The following CPEB3 variants were observed in gnomAD, a reference collection of about 807,000 sequenced individuals.
The protein encoded by CPEB3 is cytoplasmic polyadenylation element binding protein 3.
In CPEB3, 20 loss-of-function variants were observed where a neutral mutation model predicts 67.2. That is an observed-to-expected ratio of 0.30 (90% CI 0.21 to 0.43). The LOEUF (loss-of-function observed/expected upper bound fraction) is 0.43, where lower values mean the gene tolerates loss of function less well. Ranked by LOEUF, CPEB3 falls within the 20% of genes least tolerant of loss-of-function variation. CPEB3 has a pLI of 1.00. For missense variants in CPEB3, 746 were observed against 968.6 expected (o/e 0.77, Z 3.05); for synonymous variants, 376 against 393.1 (o/e 0.96, Z 0.51).
chr10:92,283,147 G>A (rs567833679), intron 1 of CPEB3, among the ~76,000 whole-genome samples: 6 of 151,986 alleles, frequency 3.9e-5, no homozygotes, highest in Admixed American at 3.9e-4. Context: ...AGCTACTCAG[G>A]AGGCTGAGGT....
At position 92,278,496 on chromosome 10, in the gene CPEB3, T is replaced by C. The variant is rs1008037963; in HGVS notation, c.-12+12430A>G. On this transcript the variant is annotated intron_variant, in intron 1 of 9. Transcript: ENST00000265997. ...TGCGATGCCTTTATAAATCAAATTG[T>C]TTTCCTTTCATATCTGGATTGTTCA... Among the ~76,000 whole-genome samples, 11 of 152,164 alleles carry C rather than the reference T, an allele frequency of 7.2e-5. No individual in the cohort carries two copies. In the East Asian group the frequency reaches 2.1e-3, roughly 29 times the overall value.
chr10:92,056,178 G>A (rs978063874), intron 9 of CPEB3, among the ~76,000 whole-genome samples: 4 of 152,306 alleles, frequency 2.6e-5, no homozygotes, highest in South Asian at 2.1e-4. Context: ...TTCATGAGGT[G>A]TTGTCTGAAG....
intron 2 of CPEB3, among the ~76,000 whole-genome samples, chr10:92,232,266 G>A (rs141770358): frequency 0.045 from 6,729 of 150,730 alleles, 205 homozygotes; most frequent in Non-Finnish European, 0.07. Context: ...TGTTGGCCAG[G>A]TTGGTCTCGA....
chr10:92,165,857 T>C (rs1054455057), intron 4 of CPEB3, among the ~76,000 whole-genome samples: 2 of 152,184 alleles, frequency 1.3e-5, no homozygotes, highest in Non-Finnish European at 2.9e-5. Context: ...TCTAGTTCTC[T>C]TGCTATTTAC....
chr10:92,154,289 A>G (rs1847103142), intron 4 of CPEB3, among the ~76,000 whole-genome samples: 2 of 152,230 alleles, frequency 1.3e-5, no homozygotes, highest in Non-Finnish European at 2.9e-5. Flanking sequence ...AAATGAAATC[A>G]AGGTTTGTCT....
At chr10:92,271,431 T>C (rs1471267268) in intron 1 of CPEB3, among the ~76,000 whole-genome samples, 1 of 152,256 alleles carries the variant, frequency 6.6e-6, no homozygotes, top group Non-Finnish European at 1.5e-5. Flanking sequence ...ACATTCCATT[T>C]ACTTGTCAAG....
intron 7 of CPEB3, among the ~76,000 whole-genome samples, chr10:92,107,298 T>C (rs1844520818): frequency 6.6e-6 from 1 of 152,228 alleles, no homozygotes; most frequent in Non-Finnish European, 1.5e-5. Context: ...TTTAAATTTA[T>C]AGCAAAATCA....
intron 2 of CPEB3, among the ~76,000 whole-genome samples, chr10:92,232,757 CAA>C (rs370945253): frequency 5.7e-4 from 69 of 121,986 alleles, no homozygotes; most frequent in Non-Finnish European, 5.7e-4. Context: ...AACTCCATCT[CAA>C]AAAAAAAAAA....
intron 4 of CPEB3, among the ~76,000 whole-genome samples, chr10:92,178,581 C>G (rs1192104102): frequency 6.6e-6 from 1 of 152,028 alleles, no homozygotes; most frequent in Non-Finnish European, 1.5e-5. Flanking sequence ...TGGCTCACAC[C>G]TTTAATCCCA....
At chr10:92,174,037 C>A (rs772642856) in intron 4 of CPEB3, among the ~76,000 whole-genome samples, 2 of 152,160 alleles carry the variant, frequency 1.3e-5, no homozygotes, top group Non-Finnish European at 2.9e-5. Flanking sequence ...CTTTACTATA[C>A]TTTTTTATGC....
intron 3 of CPEB3, among the ~76,000 whole-genome samples, chr10:92,189,306 T>C (rs1011265999): frequency 7.9e-5 from 12 of 152,192 alleles, no homozygotes; most frequent in African/African-American, 2.9e-4. Context: ...TATAAAATTT[T>C]GACAACTTGC....
intron 1 of CPEB3, among the ~76,000 whole-genome samples, chr10:92,282,469 C>G (rs981334759): frequency 1.3e-5 from 2 of 152,180 alleles, no homozygotes; most frequent in African/African-American, 4.8e-5. Context: ...GCAGGTGGAT[C>G]ACTAGGTCAG....
chr10:92,278,638 G>C (rs1322007579), intron 1 of CPEB3, among the ~76,000 whole-genome samples: 1 of 130,304 alleles, frequency 7.7e-6, no homozygotes, highest in Non-Finnish European at 1.6e-5. Flanking sequence ...GTCTTCCTCT[G>C]TTACCAGGCT....
intron 7 of CPEB3, among the ~76,000 whole-genome samples, chr10:92,098,027 G>T (rs1414213373): frequency 6.6e-6 from 1 of 151,496 alleles, no homozygotes; most frequent in Non-Finnish European, 1.5e-5. Flanking sequence ...CAGGCATGGT[G>T]GTGCATGCCT....
At chr10:92,136,868 T>A (rs541317511) in intron 6 of CPEB3, 1 of 156,210 alleles carries the variant, frequency 6.4e-6, no homozygotes, top group Non-Finnish European at 1.4e-5. Flanking sequence ...CAAGAGTGAG[T>A]ATTTCTGATC....
Position 92,240,012 on chromosome 10 carries a change from C to G in CPEB3, c.339G>C (p.Thr113=). The change falls in exon 2 of 10, where the codon ACG becomes ACC. Residue 113 remains threonine (T), a synonymous_variant. Coordinates refer to ENST00000265997, the MANE Select transcript of CPEB3 (RefSeq NM_014912.5). ...LSPSFGSTWS[T]GTTNAVEDSF... ...TGTCCTCTACCGCGTTGGTGGTGCC[C>G]GTGGACCAGGTGCTGCCGAAGGACG... 1 of 1,609,412 alleles carries G rather than the reference C, an allele frequency of 6.2e-7. No individual in the cohort carries two copies. Among genetic ancestry groups the G allele is most frequent in the Non-Finnish European group, 8.5e-7 (1 of 1,178,004 alleles).
At chr10:92,262,821 G>T (rs956697353) in intron 1 of CPEB3, among the ~76,000 whole-genome samples, 164 of 152,156 alleles carry the variant, frequency 1.1e-3, no homozygotes, top group Admixed American at 0.01. Flanking sequence ...GTGCATTAAA[G>T]CATCTTTTTT....
At chr10:92,134,313 G>C (rs1845983882) in intron 6 of CPEB3, among the ~76,000 whole-genome samples, 4 of 152,070 alleles carry the variant, frequency 2.6e-5, no homozygotes. Flanking sequence ...AGCAACTTCA[G>C]CAAAGTCTCA....
intron 9 of CPEB3, among the ~76,000 whole-genome samples, chr10:92,079,564 C>A (rs1843060924): frequency 6.6e-6 from 1 of 152,162 alleles, no homozygotes; most frequent in Non-Finnish European, 1.5e-5. Flanking sequence ...TTATTTTATT[C>A]ATTTTAATTA....
Sources: gnomAD v4.1 joint callset for allele counts (sites outside exome capture counted in the v4.1 genomes callset) on GRCh38, gnomAD v4.1.1 for gene constraint, MANE v1.5 for transcripts, NCBI Gene and HGNC (gene_info 2026-07-23, HGNC 2026-07-21) for gene names.